BEGAIN: variants seen among roughly 807,000 people sequenced by gnomAD.
BEGAIN encodes brain-enriched guanylate kinase-associated protein.
A neutral mutation model predicts 35.8 loss-of-function variants in BEGAIN; 19 were observed. The observed-to-expected ratio is 0.53, with a 90% CI of 0.37 to 0.78. The LOEUF is 0.78. BEGAIN is among the 30% of genes least tolerant of loss of function. BEGAIN has a pLI of 0.00. For synonymous variants in BEGAIN, 462 were observed against 388.6 expected (o/e 1.19, Z -2.22); for missense variants, 795 against 853.6 (o/e 0.93, Z 0.85).
In BEGAIN at chr14:100,568,866, C is replaced by A. The variant is rs2034951526; in HGVS notation, c.43-927G>T. On this transcript the variant is annotated intron_variant, in intron 1 of 6. Transcript: ENST00000554140. The surrounding 1 kb of genome is among the most constrained non-coding windows in gnomAD (Gnocchi z 7.5). ...TGCCGTGACTGGCACTCAAGGGGGA[C>A]AGGGGTCCGAGCTCAGGGACCACGC... is the stretch of plus-strand genomic sequence containing the variant. 1.0e-6 allele frequency: 1 copy of A among 986,052 alleles called. No homozygotes were observed. The highest frequency in any genetic ancestry group is 6.2e-5 in the Admixed American group (1 of 16,228). The allele number at this position is 986,052 out of a possible 1,614,324, so 61.1% of individuals were successfully genotyped here.
intron 1 of BEGAIN, among the ~76,000 whole-genome samples, chr14:100,583,387 C>T (rs1259283393): frequency 6.6e-6 from 1 of 152,172 alleles, no homozygotes; most frequent in Admixed American, 6.5e-5. Flanking sequence ...CCAGGCACTA[C>T]CTGTATCCAT....
chr14:100,549,785 T>C (rs1454806642), intron 2 of BEGAIN: 1 of 152,444 alleles, frequency 6.6e-6, no homozygotes, highest in East Asian at 1.9e-4. Context: ...TGGGGGAAAC[T>C]GCTGGAGGCC....
At position 100,586,983 on chromosome 14, in the gene BEGAIN, A is replaced by AC. The variant is rs1319984639; in HGVS notation, c.42+265dup. Among the ~76,000 whole-genome samples, 2 of 150,472 alleles carry AC rather than the reference A, an allele frequency of 1.3e-5. No individual in the cohort carries two copies. Among genetic ancestry groups the AC allele is most frequent in the Admixed American group, 1.3e-4 (2 of 15,188 alleles). ...GGGGCGCGCGTGTCAGGGCGCAAGG[A>AC]CCCCGCGATAGGACCCGGGCGCTCC... On this transcript the variant is annotated intron_variant, in intron 1 of 6. Coordinates refer to ENST00000554140, the MANE Select transcript of BEGAIN (RefSeq NM_001385089.1). This position sits in a 1 kb window ranked among gnomAD's most constrained non-coding sequence, Gnocchi z 4.9.
rs149282635 is a variant in BEGAIN at position 100,546,662 on chromosome 14, G to T, written c.72C>A (p.Ser24Arg). 6.4e-7 allele frequency: 1 copy of T among 1,560,546 alleles called. No homozygotes were observed. The highest frequency in any genetic ancestry group is 1.2e-5 in the South Asian group (1 of 86,354). ...GCTCGCCCTTCTGCTCCTGCAGCGC[G>T]CTGCAACGACATGGCGGCGGCGGGC... Reference protein sequence around the residue: ...AASAADMEKLSALQEQKGELR... With the variant: ...AASAADMEKLRALQEQKGELR... The change falls in exon 3 of 7, where the codon AGC becomes AGA. Residue 24 changes from serine to arginine, a missense_variant and splice_region_variant. Transcript: ENST00000554140.
intron 2 of BEGAIN, among the ~76,000 whole-genome samples, chr14:100,555,959 A>G (rs1321128595): frequency 6.6e-6 from 1 of 152,100 alleles, no homozygotes; most frequent in Non-Finnish European, 1.5e-5. Flanking sequence ...CCCTGGGGGA[A>G]AGACACATGC....
chr14:100,567,641 C>A lies in BEGAIN; in HGVS notation c.71+270G>T, dbSNP rs1307686969. ...AGGACCGCACAGGACCAGGCGGCCC[C>A]GGGTAGGGGGCAGCCCGGCCCTCAG... On this transcript the variant is annotated intron_variant, in intron 2 of 6. Coordinates refer to ENST00000554140, the MANE Select transcript of BEGAIN (RefSeq NM_001385089.1). This position sits in a 1 kb window ranked among gnomAD's most constrained non-coding sequence, Gnocchi z 5.1. 6.6e-6 allele frequency among the ~76,000 whole-genome samples: 1 copy of A among 151,664 alleles called. No homozygotes were observed. The highest frequency in any genetic ancestry group is 1.5e-5 in the Non-Finnish European group (1 of 67,768).
At chr14:100,556,503 C>T (rs1046617987) in intron 2 of BEGAIN, among the ~76,000 whole-genome samples, 3 of 152,180 alleles carry the variant, frequency 2.0e-5, no homozygotes, top group African/African-American at 7.2e-5. Flanking sequence ...GACCTTGGCA[C>T]AGGCTGCCCC....
rs1595099612 is a variant in BEGAIN, at chr14:100,537,918, G to A, written c.*51C>T. On this transcript the variant is annotated 3_prime_UTR_variant, in exon 7 of 7. Transcript: ENST00000554140. ...GGAGAGGTGAGGCCGGCCCTTCTGG[G>A]GCACGTGGGCTGGCGGGGAGCGAAC... 1 of 1,551,188 alleles carries A rather than the reference G, an allele frequency of 6.4e-7. No homozygotes were observed. Among genetic ancestry groups the A allele is most frequent in the Non-Finnish European group, 8.7e-7 (1 of 1,149,916 alleles).
Position 100,558,703 on chromosome 14 carries a change from C to T in BEGAIN, c.71+9208G>A, listed in dbSNP as rs993224141. On this transcript the variant is annotated intron_variant, in intron 2 of 6. Coordinates refer to ENST00000554140, the MANE Select transcript of BEGAIN (RefSeq NM_001385089.1). The surrounding 1 kb of genome is among the most constrained non-coding windows in gnomAD (Gnocchi z 4.6). ...CCTGTGCCTCGATGCATCCTTGACT[C>T]CTCTCTTTCTCTCCCCATCCTTCCC... is the stretch of plus-strand genomic sequence containing the variant. Among the ~76,000 whole-genome samples, 6 of 152,216 alleles carry T rather than the reference C, an allele frequency of 3.9e-5. No individual in the cohort carries two copies. Among genetic ancestry groups the T allele is most frequent in the African/African-American group, 9.6e-5 (4 of 41,454 alleles).
intron 2 of BEGAIN, chr14:100,548,791 A>T (rs1276447665): frequency 6.6e-6 from 1 of 152,044 alleles, no homozygotes; most frequent in Non-Finnish European, 1.5e-5. Context: ...CGAAGGGGCT[A>T]TGGGGTGGGC....
At position 100,543,976 on chromosome 14, in the gene BEGAIN, G is replaced by T; in HGVS notation, c.301-11C>A. Reference sequence around the variant, plus strand: ...CTCATAGTGCTGGCCCTGGGGGTGGGACAGTGGGAGGAGGAGGCCCGTGGT... The same window carrying T: ...CTCATAGTGCTGGCCCTGGGGGTGGTACAGTGGGAGGAGGAGGCCCGTGGT... On this transcript the variant is annotated splice_polypyrimidine_tract_variant and intron_variant, in intron 4 of 6. Transcript: ENST00000554140. The T allele has an allele frequency of 6.3e-7, 1 of 1,597,636 alleles. No homozygotes were observed. The highest frequency in any genetic ancestry group is 1.1e-5 in the South Asian group (1 of 88,722).
Position 100,546,532 on chromosome 14 carries a change from C to T in BEGAIN, c.202G>A (p.Glu68Lys). Residue 68 changes from glutamate to lysine, a missense_variant, in exon 3 of 7, where the codon GAA becomes AAA. This residue lies in a region of BEGAIN where 73 missense variants were observed against 143.2 expected (regional missense o/e 0.51). Transcript: ENST00000554140. ...AGCTTCTCCGTGACCTTCTCCAGTTCCTCCTGCGCGCGCCGCAGCTCGATC... is the reference window on the plus strand; with the variant it reads ...AGCTTCTCCGTGACCTTCTCCAGTTTCTCCTGCGCGCGCCGCAGCTCGATC... ...LEIELRRAQE[E>K]LEKVTEKLRR... 6.4e-7 allele frequency: 1 copy of T among 1,573,838 alleles called. No homozygotes were observed. Among genetic ancestry groups the T allele is most frequent in the Non-Finnish European group, 8.6e-7 (1 of 1,166,134 alleles).
chr14:100,584,424 C>T (rs918788674), intron 1 of BEGAIN, among the ~76,000 whole-genome samples: 7 of 152,160 alleles, frequency 4.6e-5, no homozygotes, highest in Admixed American at 1.3e-4. Context: ...TGACTCCTGC[C>T]GTACTGGCCA....
chr14:100,584,870 G>A (rs1412230641), intron 1 of BEGAIN, among the ~76,000 whole-genome samples: 2 of 152,066 alleles, frequency 1.3e-5, no homozygotes, highest in African/African-American at 4.8e-5. Flanking sequence ...CATGCGGGGT[G>A]ATTCTAGACC....
chr14:100,539,623 T>C (rs1437383818), intron 6 of BEGAIN, among the ~76,000 whole-genome samples: 1 of 152,078 alleles, frequency 6.6e-6, no homozygotes, highest in Admixed American at 6.5e-5. Context: ...AACCCAGGTC[T>C]GATTCAGGCC....
rs1229321396 is a variant in BEGAIN at position 100,563,654 on chromosome 14, T to TC, written c.71+4256dup. On this transcript the variant is annotated intron_variant, in intron 2 of 6. Coordinates refer to ENST00000554140, the MANE Select transcript of BEGAIN (RefSeq NM_001385089.1). The surrounding 1 kb of genome is among the most constrained non-coding windows in gnomAD (Gnocchi z 4.2). ...GGGAGAAGCGGTTTCAAGAGTCTGT[T>TC]CCGATCTTCCAGAGCTGACCCTATG... is the stretch of plus-strand genomic sequence containing the variant. Among the ~76,000 whole-genome samples, 2 of 152,192 alleles carry TC rather than the reference T, an allele frequency of 1.3e-5. No individual in the cohort carries two copies. Among genetic ancestry groups the TC allele is most frequent in the African/African-American group, 4.8e-5 (2 of 41,458 alleles).
chr14:100,546,755 CGAGTACCG>C, intron 2 of BEGAIN, 93 bp from the exon 3 acceptor site: 1 of 1,241,410 alleles, frequency 8.1e-7, no homozygotes, highest in Non-Finnish European at 1.1e-6. Context: ...CACTAACACG[CGAGTACCG>C]GCGCGCGCGC....
chr14:100,541,672 T>C (rs1256268939), intron 5 of BEGAIN, among the ~76,000 whole-genome samples: 1 of 152,162 alleles, frequency 6.6e-6, no homozygotes, highest in Admixed American at 6.5e-5. Flanking sequence ...CCAGCCCAGG[T>C]CTGCCACTGA....
Position 100,563,397 on chromosome 14 carries a change from A to G in BEGAIN, c.71+4514T>C, listed in dbSNP as rs148233175. 6.6e-6 allele frequency among the ~76,000 whole-genome samples: 1 copy of G among 152,378 alleles called. No individual in the cohort carries two copies. Among genetic ancestry groups the G allele is most frequent in the African/African-American group, 2.4e-5 (1 of 41,598 alleles). On this transcript the variant is annotated intron_variant, in intron 2 of 6. Coordinates refer to ENST00000554140, the MANE Select transcript of BEGAIN (RefSeq NM_001385089.1). The surrounding 1 kb of genome is among the most constrained non-coding windows in gnomAD (Gnocchi z 4.2). ...GAAAGTGAAAAAACCTGACACATTC[A>G]ACAAAATTAAAATTAAGAACTTTTG...
Sources: gnomAD v4.1 joint callset for allele counts (sites outside exome capture counted in the v4.1 genomes callset) on GRCh38, gnomAD v4.1.1 for gene constraint, gnomAD v4.1.1 regional missense constraint, Gnocchi (gnomAD v3.1) non-coding constraint, MANE v1.5 for transcripts, NCBI Gene and HGNC (gene_info 2026-07-23, HGNC 2026-07-21) for gene names.